Variants in FCRL5 observed in about 807,000 individuals in gnomAD.
The protein encoded by FCRL5 is Fc receptor-like protein 5.
FCRL5 carries 79 observed loss-of-function variants against 92.1 expected under a neutral mutation model. That is an observed-to-expected ratio of 0.86 (90% CI 0.72 to 1.03). The LOEUF (loss-of-function observed/expected upper bound fraction) is 1.03. Ranked by LOEUF, FCRL5 falls within the 50% of genes least tolerant of loss-of-function variation. The probability of loss-of-function intolerance (pLI) is 0.00; values close to 1 mark genes in which losing one functional copy is unlikely to be tolerated. For missense variants in FCRL5, 1,160 were observed against 1,181.1 expected (o/e 0.98, Z 0.26); for synonymous variants, 466 against 469.3 (o/e 0.99, Z 0.09).
At chr1:157,544,133 G>A in intron 5 of FCRL5, 129 bp downstream of exon 5, 1 of 921,382 alleles carries the variant, frequency 1.1e-6, no homozygotes, top group Non-Finnish European at 1.7e-6. Flanking sequence ...AGGTCTCTTT[G>A]CTTGCACAAC....
At chr1:157,544,788 C>T (rs1327691306) in intron 4 of FCRL5, 43 bp downstream of exon 4, 1 of 1,610,972 alleles carries the variant, frequency 6.2e-7, no homozygotes, top group Non-Finnish European at 8.5e-7. Context: ...CCCAAGGAAT[C>T]TCCTTTTGAC....
intron 13 of FCRL5, 45 bp from the exon 14 acceptor site, chr1:157,518,827 A>C (rs948787497): frequency 1.3e-6 from 2 of 1,517,316 alleles, no homozygotes; most frequent in African/African-American, 1.4e-5. Context: ...ATCCAGACAA[A>C]GTAGCTATAA....
chr1:157,548,456 C>T (rs1175511390), intron 2 of FCRL5, among the ~76,000 whole-genome samples: 2 of 152,168 alleles, frequency 1.3e-5, no homozygotes, highest in East Asian at 1.9e-4. Flanking sequence ...AACTAAAGAA[C>T]TTCTGCACAG....
Position 157,544,403 on chromosome 1 carries a change from G to A in FCRL5, c.703C>T (p.Leu235=). The part of the protein sequence containing the change: ...RFRFFRDDQT[L]GLGWSLSPNF... ...GGGGAGAGACTCCAGCCTAATCCCA[G>A]GGTCTGGTCATCTCTGAAGAAGCGG... is the stretch of plus-strand genomic sequence containing the variant. The change falls in exon 5 of 17, where the codon CTG becomes TTG. Residue 235 remains leucine, a synonymous_variant. Coordinates refer to ENST00000361835, the MANE Select transcript of FCRL5 (RefSeq NM_031281.3). The A allele has an allele frequency of 6.2e-7, 1 of 1,614,226 alleles. No homozygotes were observed. Among genetic ancestry groups the A allele is most frequent in the South Asian group, 1.1e-5 (1 of 91,088 alleles).
chr1:157,518,937 A>G, intron 13 of FCRL5, 155 bp from the exon 14 acceptor site: 1 of 558,254 alleles, frequency 1.8e-6, no homozygotes, highest in Non-Finnish European at 3.2e-6. Context: ...TCTATTATGA[A>G]TCATAATCAT....
Position 157,519,734 on chromosome 1 carries a change from A to T in FCRL5, c.2660+9T>A, listed in dbSNP as rs750983516. On this transcript the variant is annotated intron_variant, in intron 13 of 16. Coordinates refer to ENST00000361835, the MANE Select transcript of FCRL5 (RefSeq NM_031281.3). ...CACTAATCACACAGGAATGCAGCTC[A>T]GCTCTTACCTGGCGGGGTCAGAGGC... 14 of 1,613,594 alleles carry T rather than the reference A, an allele frequency of 8.7e-6. No individual in the cohort carries two copies. In the South Asian group the frequency reaches 1.4e-4, roughly 16 times the overall value.
chr1:157,524,552 C>G lies in FCRL5; in HGVS notation c.1966G>C (p.Val656Leu). ...DTISLSVIVP[V>L]SRPILTFRAP... ...CTGAAGGTGAGGATGGGACGAGATA[C>G]TGGAACTGAGGGAGGAAAAACGTTA... The change falls in exon 10 of 17, where the codon GTA becomes CTA. Residue 656 changes from valine (V) to leucine (L), a missense_variant. By Grantham distance (32) the Val-to-Leu change is conservative. Transcript: ENST00000361835. 1.9e-6 allele frequency: 3 copies of G among 1,586,368 alleles called. No individual in the cohort carries two copies. The highest frequency in any genetic ancestry group is 2.6e-6 in the Non-Finnish European group (3 of 1,165,366).
chr1:157,519,676 A>T, intron 13 of FCRL5, 67 bp downstream of exon 13: 1 of 1,541,218 alleles, frequency 6.5e-7, no homozygotes, highest in South Asian at 1.1e-5. Context: ...TAATCATCAG[A>T]TTCAATTCCA....
Position 157,534,646 on chromosome 1 carries a change from T to G in FCRL5, c.1649A>C (p.Gln550Pro). 6.2e-7 allele frequency: 1 copy of G among 1,614,178 alleles called. No individual in the cohort carries two copies. The highest frequency in any genetic ancestry group is 8.5e-7 in the Non-Finnish European group (1 of 1,180,040). ...YCTADNGFGP[Q>P]RSEVVSLFVT... ...AAAAAGGCTCACCACTTCACTGCGC[T>G]GGGGACCAAAGCCATTGTCAGCTGT... The change falls in exon 8 of 17, where the codon CAG becomes CCG. Residue 550 changes from glutamine to proline, a missense_variant. Transcript: ENST00000361835.
At chr1:157,516,236 C>T (rs1047792640) in intron 15 of FCRL5, among the ~76,000 whole-genome samples, 4 of 152,234 alleles carry the variant, frequency 2.6e-5, no homozygotes, top group African/African-American at 4.8e-5. Context: ...CCATCAGGGT[C>T]TAGACCACCT....
At chr1:157,545,531 T>TTG (rs937762646) in intron 3 of FCRL5, among the ~76,000 whole-genome samples, 2 of 141,870 alleles carry the variant, frequency 1.4e-5, no homozygotes, top group African/African-American at 5.3e-5. Context: ...AGTTTTTTTT[T>TTG]TTTTTTTTTT....
At chr1:157,519,269 A>G (rs1435549082) in intron 13 of FCRL5, among the ~76,000 whole-genome samples, 1 of 152,204 alleles carries the variant, frequency 6.6e-6, no homozygotes, top group Non-Finnish European at 1.5e-5. Context: ...TAGGGATACA[A>G]GATGGTGGCC....
At chr1:157,525,203 T>C (rs955849220) in intron 9 of FCRL5, among the ~76,000 whole-genome samples, 1 of 152,144 alleles carries the variant, frequency 6.6e-6, no homozygotes, top group Non-Finnish European at 1.5e-5. Flanking sequence ...ACTTTGATAA[T>C]TGATAAAGGA....
intron 5 of FCRL5, 42 bp from the exon 6 acceptor site, chr1:157,543,179 T>C (rs1341582232): frequency 6.3e-7 from 1 of 1,576,468 alleles, no homozygotes; most frequent in East Asian, 2.2e-5. Context: ...CTTTTGCCTC[T>C]TACTGTAGAT....
chr1:157,522,614 T>C (rs1435230739), intron 10 of FCRL5: 1 of 152,258 alleles, frequency 6.6e-6, no homozygotes, highest in Non-Finnish European at 1.5e-5. Context: ...ATGATGACAC[T>C]GGTTATGATG....
chr1:157,515,208 A>T lies in FCRL5; in HGVS notation c.*467T>A, dbSNP rs1649864449. ...GCTGTCCCATTTGGCAGCACACTGCAGTAGCCCCACCAGGCTGATGACAAT... is the reference window on the plus strand; with the variant it reads ...GCTGTCCCATTTGGCAGCACACTGCTGTAGCCCCACCAGGCTGATGACAAT... On this transcript the variant is annotated 3_prime_UTR_variant, in exon 17 of 17. Coordinates refer to ENST00000361835, the MANE Select transcript of FCRL5 (RefSeq NM_031281.3). 1 of 248,324 alleles carries T rather than the reference A, an allele frequency of 4.0e-6. No homozygotes were observed. Among genetic ancestry groups the T allele is most frequent in the African/African-American group, 2.2e-5 (1 of 45,328 alleles). 15.4% of individuals were successfully genotyped at this position (248,324 alleles called of 1,614,324 possible). A position where few individuals can be genotyped will look rare whatever the true frequency, so the allele number is the denominator to read the frequency against.
At chr1:157,528,650 A>G (rs1046405448) in intron 8 of FCRL5, 1 of 152,244 alleles carries the variant, frequency 6.6e-6, no homozygotes, top group African/African-American at 2.4e-5. Flanking sequence ...ACACAGAAAT[A>G]AAGCCAAATA....
intron 1 of FCRL5, among the ~76,000 whole-genome samples, chr1:157,551,045 C>T (rs1424706992): frequency 1.3e-5 from 2 of 152,182 alleles, no homozygotes; most frequent in Admixed American, 6.5e-5. Context: ...TGGCTTCCTT[C>T]ATCTTTGCAT....
chr1:157,516,060 T>C lies in FCRL5; in HGVS notation c.2813-187A>G, dbSNP rs147113325. ...CCCAACTCCCTCAGCCTCTCAGCAC[T>C]GACAGACCCTCTCTTCAACTCCCCT... On this transcript the variant is annotated intron_variant, in intron 15 of 16. Transcript: ENST00000361835. 232 of 676,170 alleles carry C rather than the reference T, an allele frequency of 3.4e-4. 1 individual carries two copies. In the African/African-American group the frequency reaches 3.7e-3, roughly 11 times the overall value. 41.9% of individuals were successfully genotyped at this position (676,170 alleles called of 1,614,324 possible).
Sources: gnomAD v4.1 joint callset for allele counts (sites outside exome capture counted in the v4.1 genomes callset) on GRCh38, gnomAD v4.1.1 for gene constraint, MANE v1.5 for transcripts, NCBI Gene and HGNC (gene_info 2026-07-23, HGNC 2026-07-21) for gene names.